The following TMTC1 variants were observed in gnomAD, a reference collection of about 807,000 sequenced individuals.
The protein encoded by TMTC1 is protein O-mannosyl-transferase TMTC1.
A neutral mutation model predicts 104.8 loss-of-function variants in TMTC1; 73 were observed. The observed-to-expected ratio is 0.70, with a 90% CI of 0.58 to 0.85. The LOEUF is 0.85. Ranked by LOEUF, TMTC1 falls within the 40% of genes least tolerant of loss-of-function variation. The pLI is 0.00. For missense variants in TMTC1, 1,035 were observed against 1,096.1 expected (o/e 0.94, Z 0.79); for synonymous variants, 434 against 428.7 (o/e 1.01, Z -0.15).
intron 10 of TMTC1, among the ~76,000 whole-genome samples, chr12:29,550,695 G>C (rs1945072979): frequency 6.6e-6 from 1 of 152,116 alleles, no homozygotes; most frequent in African/African-American, 2.4e-5. Flanking sequence ...GCCCTGAAGG[G>C]ACAGAAGCAC....
intron 10 of TMTC1, among the ~76,000 whole-genome samples, chr12:29,546,462 T>C (rs1260011714): frequency 3.9e-5 from 6 of 152,136 alleles, no homozygotes; most frequent in Non-Finnish European, 7.3e-5. Context: ...AGGGGCCTTA[T>C]TTCATGCTTC....
chr12:29,688,908 T>C (rs1319501174), intron 5 of TMTC1, among the ~76,000 whole-genome samples: 2 of 152,108 alleles, frequency 1.3e-5, no homozygotes, highest in African/African-American at 4.8e-5. Flanking sequence ...ACATTTCCTG[T>C]CCTCCCTGGT....
At chr12:29,512,801 T>C (rs570160352) in intron 16 of TMTC1, among the ~76,000 whole-genome samples, 1 of 152,328 alleles carries the variant, frequency 6.6e-6, no homozygotes, top group Non-Finnish European at 1.5e-5. Flanking sequence ...TATGCATGTT[T>C]TGTATCAAAG....
At chr12:29,780,199 G>A (rs1000671300) in intron 1 of TMTC1, among the ~76,000 whole-genome samples, 13 of 152,166 alleles carry the variant, frequency 8.5e-5, no homozygotes, top group Non-Finnish European at 1.8e-4. Flanking sequence ...ACCTGTAAGT[G>A]AATTTTTATA....
chr12:29,725,164 C>A (rs769614757), intron 5 of TMTC1, among the ~76,000 whole-genome samples: 3 of 150,556 alleles, frequency 2.0e-5, no homozygotes, highest in Non-Finnish European at 4.4e-5. Flanking sequence ...ATTACAGGCA[C>A]CTGCCACCAT....
chr12:29,656,015 C>T (rs1939736954), intron 5 of TMTC1, among the ~76,000 whole-genome samples: 3 of 152,196 alleles, frequency 2.0e-5, no homozygotes, highest in South Asian at 4.1e-4. Flanking sequence ...GCCAGACGGC[C>T]ATAACCACCT....
At chr12:29,555,585 T>C (rs1194787197) in intron 10 of TMTC1, among the ~76,000 whole-genome samples, 12 of 152,328 alleles carry the variant, frequency 7.9e-5, no homozygotes, top group African/African-American at 2.6e-4. Flanking sequence ...TTTGGTTTTC[T>C]GTTCCTGTGT....
intron 2 of TMTC1, among the ~76,000 whole-genome samples, chr12:29,767,497 C>T (rs1264862234): frequency 6.6e-6 from 1 of 152,132 alleles, no homozygotes; most frequent in African/African-American, 2.4e-5. Flanking sequence ...GTAAGTGTCT[C>T]GAATGGCCCT....
At chr12:29,694,000 T>A (rs11050383) in intron 5 of TMTC1, among the ~76,000 whole-genome samples, 1 of 152,222 alleles carries the variant, frequency 6.6e-6, no homozygotes, top group East Asian at 1.9e-4. Context: ...TTAATAGGTG[T>A]ATTAAAAATA....
intron 5 of TMTC1, among the ~76,000 whole-genome samples, chr12:29,679,141 C>T (rs931146002): frequency 5.3e-5 from 8 of 152,050 alleles, no homozygotes; most frequent in Non-Finnish European, 1.0e-4. Context: ...AGAATAAAGA[C>T]ATGCAGGAAC....
intron 2 of TMTC1, among the ~76,000 whole-genome samples, chr12:29,762,074 G>A (rs756081567): frequency 7.2e-5 from 11 of 152,168 alleles, no homozygotes; most frequent in Non-Finnish European, 1.0e-4. Context: ...AGCTACTCGG[G>A]AGGCTGAGGT....
At chr12:29,660,108 T>C (rs1939946906) in intron 5 of TMTC1, 1 of 743,368 alleles carries the variant, frequency 1.3e-6, no homozygotes, top group Admixed American at 2.5e-5. Flanking sequence ...GAGTTAGTCT[T>C]GTGGCTGGCT....
chr12:29,672,368 T>C (rs763167373), intron 5 of TMTC1, among the ~76,000 whole-genome samples: 2 of 152,230 alleles, frequency 1.3e-5, no homozygotes, highest in Non-Finnish European at 2.9e-5. Flanking sequence ...ATGGGGTCCA[T>C]TGCTAGTGGG....
Position 29,756,510 on chromosome 12 carries a change from C to CT in TMTC1, c.555-626dup, listed in dbSNP as rs970073773. Among the ~76,000 whole-genome samples, 5 of 152,204 alleles carry CT rather than the reference C, an allele frequency of 3.3e-5. 1 individual carries two copies. In the East Asian group the frequency reaches 7.7e-4, roughly 24 times the overall value. ...GGGATGAAAATACAACTATTTTAACCTTTTTTTCTTTTGGCTAAATTCATT... is the reference window on the plus strand; with the variant it reads ...GGGATGAAAATACAACTATTTTAACCTTTTTTTTCTTTTGGCTAAATTCATT... On this transcript the variant is annotated intron_variant, in intron 3 of 17. Coordinates refer to ENST00000539277, the MANE Select transcript of TMTC1 (RefSeq NM_001193451.2).
chr12:29,685,602 G>A (rs538233650), intron 5 of TMTC1, among the ~76,000 whole-genome samples: 67 of 151,890 alleles, frequency 4.4e-4, no homozygotes, highest in African/African-American at 1.5e-3. Context: ...ACTCTGTTAA[G>A]AGGCATTATT....
chr12:29,730,519 G>A (rs568934753), intron 5 of TMTC1, among the ~76,000 whole-genome samples: 4 of 152,176 alleles, frequency 2.6e-5, no homozygotes, highest in African/African-American at 4.8e-5. Context: ...CTTCTCTCCC[G>A]CTTTTCCTTC....
At chr12:29,748,139 C>T (rs117690488) in intron 5 of TMTC1, among the ~76,000 whole-genome samples, 494 of 152,098 alleles carry the variant, frequency 3.2e-3, no homozygotes, top group Non-Finnish European at 5.3e-3. Flanking sequence ...GAAGATGGTC[C>T]GGGACCATAA....
chr12:29,706,902 A>T (rs1941761362), intron 5 of TMTC1, among the ~76,000 whole-genome samples: 1 of 152,200 alleles, frequency 6.6e-6, no homozygotes, highest in Non-Finnish European at 1.5e-5. Flanking sequence ...AATATAAAAA[A>T]CAGCTGGCAT....
In TMTC1 at chr12:29,513,919, G is replaced by A. The variant is rs116000775; in HGVS notation, c.2430+563C>T. Among the ~76,000 whole-genome samples the A allele has an allele frequency of 5.9e-3, 894 of 152,194 alleles. 10 individuals are homozygous for A. Among genetic ancestry groups the A allele is most frequent in the African/African-American group, 0.02 (840 of 41,530 alleles). On this transcript the variant is annotated intron_variant, in intron 16 of 17. Coordinates refer to ENST00000539277, the MANE Select transcript of TMTC1 (RefSeq NM_001193451.2). The stretch of plus-strand genomic sequence containing the variant: ...CACACACATACGGGGGTTAGGGGAC[G>A]GACCTAATAATACAATGTAATATGT...
Sources: allele counts gnomAD v4.1 joint callset (sites outside exome capture counted in the v4.1 genomes callset), GRCh38; gene constraint gnomAD v4.1.1; transcripts MANE v1.5; gene names NCBI Gene and HGNC (gene_info 2026-07-23, HGNC 2026-07-21).